The following IQCH variants were observed in gnomAD, a reference collection of about 807,000 sequenced individuals.
IQCH encodes the protein IQ domain-containing protein H.
IQCH carries 98 observed loss-of-function variants against 117.0 expected under a neutral mutation model. The ratio of observed to expected loss-of-function variants is 0.84; its 90% CI spans 0.71 to 0.99. The LOEUF (loss-of-function observed/expected upper bound fraction) is 0.99. IQCH is among the 50% of genes least tolerant of loss of function. The pLI is 0.00. For synonymous variants in IQCH, 412 were observed against 448.2 expected (o/e 0.92, Z 1.02); for missense variants, 1,102 against 1,243.8 (o/e 0.89, Z 1.72).
Position 67,445,894 on chromosome 15 carries a change from AAAG to A in IQCH, c.2506-19227_2506-19225del, listed in dbSNP as rs1355960411. Among the ~76,000 whole-genome samples the A allele has an allele frequency of 2.0e-5, 3 of 152,232 alleles. No homozygotes were observed. Among genetic ancestry groups the A allele is most frequent in the African/African-American group, 7.2e-5 (3 of 41,460 alleles). On this transcript the variant is annotated intron_variant, in intron 16 of 20. Transcript: ENST00000335894. This position sits in a 1 kb window ranked among gnomAD's most constrained non-coding sequence, Gnocchi z 4.3. ...TACAGAGGACACAGGTAGGAAATAT[AAAG>A]AAGAACATGGAGTTTCCCTATCATT...
chr15:67,424,526 C>T lies in IQCH; in HGVS notation c.2505+2949C>T, dbSNP rs2081838836. On this transcript the variant is annotated intron_variant, in intron 16 of 20. Transcript: ENST00000335894. The surrounding 1 kb of genome is among the most constrained non-coding windows in gnomAD (Gnocchi z 4.9). ...CGATGTGCTGTGTTTCTTTTTGCTC[C>T]CCCACTGTATTCTCAGCACTTACTT... is the stretch of plus-strand genomic sequence containing the variant. Among the ~76,000 whole-genome samples, 2 of 152,092 alleles carry T rather than the reference C, an allele frequency of 1.3e-5. No individual in the cohort carries two copies. The highest frequency in any genetic ancestry group is 4.1e-4 in the South Asian group (2 of 4,820).
intron 16 of IQCH, among the ~76,000 whole-genome samples, chr15:67,423,151 T>A (rs2081792481): frequency 6.6e-6 from 1 of 152,182 alleles, no homozygotes; most frequent in African/African-American, 2.4e-5. Context: ...AAACTGAAGG[T>A]CATTCAGAAC....
chr15:67,305,259 A>G (rs1185618590), intron 4 of IQCH, among the ~76,000 whole-genome samples: 1 of 152,070 alleles, frequency 6.6e-6, no homozygotes, highest in Non-Finnish European at 1.5e-5. Context: ...TTAAATTGCA[A>G]AGCCATTTCT....
In IQCH at chr15:67,329,755, C is replaced by T. The variant is rs138020938; in HGVS notation, c.388-7220C>T. 6.5e-3 allele frequency among the ~76,000 whole-genome samples: 990 copies of T among 152,090 alleles called. 11 individuals carry two copies. The highest frequency in any genetic ancestry group is 0.023 in the African/African-American group (947 of 41,462). The stretch of plus-strand genomic sequence containing the variant: ...AAGCACTGGGATTGCAGGCATGAGC[C>T]GCTGCACCTAGCCAAATTCTGGCTT... On this transcript the variant is annotated intron_variant, in intron 4 of 20. Transcript: ENST00000335894.
intron 16 of IQCH, among the ~76,000 whole-genome samples, chr15:67,428,403 C>T (rs917734675): frequency 3.3e-5 from 5 of 152,142 alleles, no homozygotes; most frequent in Non-Finnish European, 2.9e-5. Flanking sequence ...AGTAATGGTC[C>T]GCTAAAGATA....
At chr15:67,300,661 CTTTG>C (rs761746225) in intron 4 of IQCH, among the ~76,000 whole-genome samples, 26 of 152,268 alleles carry the variant, frequency 1.7e-4, no homozygotes, top group Admixed American at 6.5e-4. Context: ...CCTCTCTCAA[CTTTG>C]TTTGTGAAGC....
At chr15:67,418,367 C>T (rs904746288) in intron 15 of IQCH, among the ~76,000 whole-genome samples, 4 of 151,994 alleles carry the variant, frequency 2.6e-5, no homozygotes, top group African/African-American at 9.7e-5. Flanking sequence ...GAAAGAGATT[C>T]TTTGCAGGGG....
intron 1 of IQCH, 89 bp downstream of exon 1, chr15:67,255,036 A>G (rs544714275): frequency 8.0e-4 from 1,029 of 1,280,560 alleles, no homozygotes; most frequent in Non-Finnish European, 1.1e-3. Context: ...ACGCTCACCC[A>G]TTTGGTGCGC....
intron 4 of IQCH, among the ~76,000 whole-genome samples, chr15:67,311,631 T>C (rs537752620): frequency 6.7e-6 from 1 of 150,074 alleles, no homozygotes; most frequent in East Asian, 1.9e-4. Flanking sequence ...GTAACAATTA[T>C]ATACATATAG....
At position 67,384,541 on chromosome 15, in the gene IQCH, T is replaced by G. The variant is rs75840658; in HGVS notation, c.1373-395T>G. ...CACTTTAGAATGATTCTGGAACACA[T>G]CTTCAAAATACCACATAAGAAGCTC... On this transcript the variant is annotated intron_variant, in intron 10 of 20. Coordinates refer to ENST00000335894, the MANE Select transcript of IQCH (RefSeq NM_001031715.3). The surrounding 1 kb of genome is among the most constrained non-coding windows in gnomAD (Gnocchi z 4.3). Among the ~76,000 whole-genome samples, 140 of 152,238 alleles carry G rather than the reference T, an allele frequency of 9.2e-4. No individual in the cohort carries two copies. Among genetic ancestry groups the G allele is most frequent in the Admixed American group, 2.4e-3 (37 of 15,272 alleles).
chr15:67,441,658 T>C (rs2140967355), intron 16 of IQCH, among the ~76,000 whole-genome samples: 1 of 152,282 alleles, frequency 6.6e-6, no homozygotes, highest in South Asian at 2.1e-4. Flanking sequence ...TTTCAACAAA[T>C]GGTGCTGGGA....
intron 16 of IQCH, among the ~76,000 whole-genome samples, chr15:67,429,032 C>T: frequency 6.6e-6 from 1 of 152,124 alleles, no homozygotes; most frequent in South Asian, 2.1e-4. Flanking sequence ...CTAGAGTCTC[C>T]AGGAGGAACA....
At chr15:67,372,748 C>G (rs777773704) in intron 9 of IQCH, 86 bp downstream of exon 9, 10 of 1,175,084 alleles carry the variant, frequency 8.5e-6, no homozygotes, top group Non-Finnish European at 1.2e-5. Flanking sequence ...TCTCTATCTT[C>G]CCTTTCTCTT....
Position 67,426,250 on chromosome 15 carries a change from C to T in IQCH, c.2505+4673C>T, listed in dbSNP as rs1335126231. Among the ~76,000 whole-genome samples the T allele has an allele frequency of 6.6e-6, 1 of 152,168 alleles. No homozygotes were observed. Among genetic ancestry groups the T allele is most frequent in the African/African-American group, 2.4e-5 (1 of 41,442 alleles). On this transcript the variant is annotated intron_variant, in intron 16 of 20. Transcript: ENST00000335894. The surrounding 1 kb of genome is among the most constrained non-coding windows in gnomAD (Gnocchi z 5.1). The stretch of plus-strand genomic sequence containing the variant: ...GGTACAATACATACACACAGTTATA[C>T]ACACATATATGCATATAAACACACA...
At chr15:67,268,744 A>G (rs942275564) in intron 3 of IQCH, among the ~76,000 whole-genome samples, 2 of 152,154 alleles carry the variant, frequency 1.3e-5, no homozygotes, top group Non-Finnish European at 2.9e-5. Flanking sequence ...GTTCCAGTGC[A>G]GTTATATACG....
chr15:67,398,353 T>C (rs1351610447), intron 13 of IQCH, among the ~76,000 whole-genome samples: 1 of 152,078 alleles, frequency 6.6e-6, no homozygotes, highest in African/African-American at 2.4e-5. Flanking sequence ...ATTAGAGAAA[T>C]AAGGAAACAA....
At chr15:67,478,190 G>A (rs2083252351) in intron 18 of IQCH, among the ~76,000 whole-genome samples, 1 of 151,964 alleles carries the variant, frequency 6.6e-6, no homozygotes, top group African/African-American at 2.4e-5. Context: ...TTCGAGTCCA[G>A]CCTGGCCAAC....
rs2083609560 is a variant in IQCH at position 67,490,198 on chromosome 15, G to C, written c.2861+134G>C. 1 of 722,802 alleles carries C rather than the reference G, an allele frequency of 1.4e-6. No individual in the cohort carries two copies. The highest frequency in any genetic ancestry group is 2.4e-6 in the Non-Finnish European group (1 of 421,848). The allele number at this position is 722,802 out of a possible 1,614,324, so 44.8% of individuals were successfully genotyped here. A position where few individuals can be genotyped will look rare whatever the true frequency, so the allele number is the denominator to read the frequency against. On this transcript the variant is annotated intron_variant, in intron 19 of 20. Coordinates refer to ENST00000335894, the MANE Select transcript of IQCH (RefSeq NM_001031715.3). The surrounding 1 kb of genome is among the most constrained non-coding windows in gnomAD (Gnocchi z 4.9). ...AAGTCTATCTTTATTTAGATCTTCA[G>C]GTATTTTATTTTATTCTATTTTTTT...
intron 16 of IQCH, among the ~76,000 whole-genome samples, chr15:67,449,399 G>A (rs2082465740): frequency 1.3e-5 from 2 of 152,056 alleles, no homozygotes; most frequent in Admixed American, 6.5e-5. Context: ...ATTAATTTTT[G>A]TATAAGGTAT....
Sources: gnomAD v4.1 joint callset for allele counts (sites outside exome capture counted in the v4.1 genomes callset) on GRCh38, gnomAD v4.1.1 for gene constraint, Gnocchi (gnomAD v3.1) non-coding constraint, MANE v1.5 for transcripts, NCBI Gene and HGNC (gene_info 2026-07-23, HGNC 2026-07-21) for gene names.